PUM1: variants seen among roughly 807,000 people sequenced by gnomAD.
PUM1 encodes the protein pumilio RNA binding family member 1.
PUM1 carries 13 observed loss-of-function variants against 131.8 expected under a neutral mutation model. The observed-to-expected ratio is 0.10, with a 90% CI of 0.06 to 0.16. The LOEUF (loss-of-function observed/expected upper bound fraction) is 0.16. Among genes scored for constraint, PUM1 ranks in the 10% least tolerant of loss-of-function variants. The probability of loss-of-function intolerance (pLI) is 1.00; values close to 1 mark genes in which losing one functional copy is unlikely to be tolerated. For synonymous variants in PUM1, 509 were observed against 556.5 expected (o/e 0.91, Z 1.20); for missense variants, 961 against 1,512.4 (o/e 0.64, Z 6.05).
chr1:30,972,609 A>T (rs1640962549), intron 10 of PUM1, among the ~76,000 whole-genome samples: 1 of 149,388 alleles, frequency 6.7e-6, no homozygotes, highest in Admixed American at 6.7e-5. Flanking sequence ...TCCCATCTCT[A>T]CTAAAAATAC....
intron 21 of PUM1, among the ~76,000 whole-genome samples, chr1:30,936,254 G>C (rs1341688855): frequency 6.6e-6 from 1 of 151,896 alleles, no homozygotes; most frequent in South Asian, 2.1e-4. Context: ...GTGGGCTTCA[G>C]GTCAATGTAC....
At chr1:31,017,516 T>G (rs1235879361) in intron 3 of PUM1, among the ~76,000 whole-genome samples, 7 of 152,146 alleles carry the variant, frequency 4.6e-5, no homozygotes, top group South Asian at 2.1e-4. Context: ...TTTTGCGATT[T>G]TTTTCTTCTT....
intron 1 of PUM1, among the ~76,000 whole-genome samples, chr1:31,061,074 T>A (rs1234067639): frequency 1.3e-5 from 2 of 152,154 alleles, no homozygotes; most frequent in African/African-American, 4.8e-5. Context: ...CTTACAACTA[T>A]TAACTGTAAT....
chr1:30,956,992 G>A (rs59686449), intron 14 of PUM1, among the ~76,000 whole-genome samples: 2,447 of 151,612 alleles, frequency 0.016, 73 homozygotes, highest in African/African-American at 0.055. Flanking sequence ...CAGTTAATAC[G>A]CCTACAAAAA....
chr1:30,992,332 T>C, intron 7 of PUM1, 58 bp downstream of exon 7: 1 of 1,572,568 alleles, frequency 6.4e-7, no homozygotes, highest in Non-Finnish European at 8.6e-7. Context: ...TCTTAATTAC[T>C]TGAACAACGT....
chr1:31,045,390 A>G lies in PUM1; in HGVS notation c.363+13814T>C, dbSNP rs1324076412. Among the ~76,000 whole-genome samples the G allele has an allele frequency of 3.3e-5, 5 of 151,300 alleles. No individual in the cohort carries two copies. The South Asian group carries it at 6.3e-4, about 19-fold the overall frequency. ...TGGCCTCAGACGATCCACCCACCTC[A>G]GCCTCCCAAAGTGCTGGGAATTACA... On this transcript the variant is annotated intron_variant, in intron 2 of 21. Coordinates refer to ENST00000426105, the MANE Select transcript of PUM1 (RefSeq NM_001020658.2).
chr1:30,957,087 TACACAC>T (rs58044891), intron 14 of PUM1, among the ~76,000 whole-genome samples: 7,625 of 139,936 alleles, frequency 0.054, 315 homozygotes, highest in East Asian at 0.16. Context: ...AGGACATTCA[TACACAC>T]ACACACACAC....
intron 5 of PUM1, among the ~76,000 whole-genome samples, chr1:30,997,366 G>A (rs1054267887): frequency 4.0e-5 from 6 of 151,858 alleles, no homozygotes; most frequent in African/African-American, 1.2e-4. Flanking sequence ...CAAAAATTAG[G>A]CAGCACCTGA....
intron 5 of PUM1, among the ~76,000 whole-genome samples, chr1:31,001,059 C>T (rs967021277): frequency 1.3e-4 from 20 of 152,204 alleles, no homozygotes; most frequent in African/African-American, 4.3e-4. Flanking sequence ...TGGTGGTGGG[C>T]GCCTGTAGTC....
At chr1:31,050,420 G>T (rs1415770377) in intron 2 of PUM1, among the ~76,000 whole-genome samples, 4 of 152,024 alleles carry the variant, frequency 2.6e-5, no homozygotes, top group Admixed American at 6.6e-5. Flanking sequence ...GGAGGCAGAG[G>T]TTTCAGTGAG....
chr1:31,062,551 C>T (rs934748426), intron 1 of PUM1, among the ~76,000 whole-genome samples: 17 of 147,862 alleles, frequency 1.1e-4, no homozygotes, highest in South Asian at 4.4e-4. Flanking sequence ...ACCCAGGAGG[C>T]GGAGGTTGCA....
At chr1:31,051,671 G>A (rs1362293116) in intron 2 of PUM1, among the ~76,000 whole-genome samples, 1 of 151,840 alleles carries the variant, frequency 6.6e-6, no homozygotes, top group Admixed American at 6.6e-5. Flanking sequence ...AATCTATGAT[G>A]GATACTGATA....
rs775279115 is a variant in PUM1, at chr1:30,949,251, C to T, written c.2856+876G>A. 8 of 359,576 alleles carry T rather than the reference C, an allele frequency of 2.2e-5. No homozygotes were observed. The Middle Eastern group carries it at 4.7e-3, about 213-fold the overall frequency. The allele number at this position is 359,576 out of a possible 1,614,324, so 22.3% of individuals were successfully genotyped here. On this transcript the variant is annotated intron_variant, in intron 17 of 21. Transcript: ENST00000426105. ...TGAGAAGGGCTCAGTGAGTTCAGAGCCCAAAAGCTGCAGGCTCAGATGAGA... is the reference window on the plus strand; with the variant it reads ...TGAGAAGGGCTCAGTGAGTTCAGAGTCCAAAAGCTGCAGGCTCAGATGAGA...
chr1:30,972,350 AGGG>A (rs1557562766), intron 10 of PUM1, among the ~76,000 whole-genome samples: 2 of 28 alleles, frequency 0.071, 1 homozygote, highest in Admixed American at 0.33. Flanking sequence ...AGGGGAGGGG[AGGG>A]GAGGGGAGGG....
chr1:30,995,143 T>C lies in PUM1; in HGVS notation c.798A>G (p.Leu266=). Residue 266 remains leucine (L), a synonymous_variant, in exon 6 of 22, where the codon CTA becomes CTG. Transcript: ENST00000426105. ...CATCACCCTCCTCCTTCAAATCTCC[T>C]AGCTTATCTCCATCAAACGTACCCT... ...KNKGTFDGDK[L]GDLKEEGDVM... is the part of the protein sequence containing the mutation. The C allele has an allele frequency of 1.2e-6, 2 of 1,614,214 alleles. No homozygotes were observed. The highest frequency in any genetic ancestry group is 1.3e-5 in the African/African-American group (1 of 75,066).
At chr1:30,972,978 G>C (rs1293878126) in intron 10 of PUM1, 1 of 154,924 alleles carries the variant, frequency 6.5e-6, no homozygotes, top group African/African-American at 2.4e-5. Context: ...TACTTGGGAG[G>C]CTGAGGCAGG....
chr1:31,062,208 C>T (rs1644382105), intron 1 of PUM1, among the ~76,000 whole-genome samples: 1 of 152,180 alleles, frequency 6.6e-6, no homozygotes, highest in Admixed American at 6.5e-5. Context: ...TCCTCTACTC[C>T]TCTGGAAGAC....
At chr1:30,967,095 A>C (rs192228625) in intron 12 of PUM1, 72 bp downstream of exon 12, 1 of 1,572,910 alleles carries the variant, frequency 6.4e-7, no homozygotes, top group East Asian at 2.3e-5. Context: ...TTATTTCAAC[A>C]TACTTTAAGA....
chr1:31,017,775 A>G (rs748325967), intron 3 of PUM1, among the ~76,000 whole-genome samples: 15 of 152,140 alleles, frequency 9.9e-5, no homozygotes, highest in Non-Finnish European at 1.6e-4. Flanking sequence ...AAAAATCACT[A>G]ATGTCAGCTG....
Sources: allele counts gnomAD v4.1 joint callset (sites outside exome capture counted in the v4.1 genomes callset), GRCh38; gene constraint gnomAD v4.1.1; transcripts MANE v1.5; gene names NCBI Gene and HGNC (gene_info 2026-07-23, HGNC 2026-07-21).